Variants in ZNF618 observed in about 807,000 individuals in gnomAD.
ZNF618 encodes neural precursor cell expressed, developmentally down-regulated 10.
Under a neutral mutation model 103.0 loss-of-function variants are expected in ZNF618, and 34 were observed. The observed-to-expected ratio is 0.33, with a 90% CI of 0.25 to 0.44. The LOEUF (loss-of-function observed/expected upper bound fraction) is 0.44. Ranked by LOEUF, ZNF618 falls within the 20% of genes least tolerant of loss-of-function variation. ZNF618 has a pLI of 1.00. For synonymous variants in ZNF618, 551 were observed against 542.2 expected, an observed-to-expected ratio of 1.02 and a Z score of -0.23; for missense variants, 1,059 against 1,295.4, an observed-to-expected ratio of 0.82 and a Z score of 2.80.
intron 1 of ZNF618, among the ~76,000 whole-genome samples, chr9:113,968,344 T>C (rs1022611209): frequency 6.6e-6 from 1 of 152,216 alleles, no homozygotes; most frequent in African/African-American, 2.4e-5. Flanking sequence ...GCACCTGAAT[T>C]TCAGACCTGT....
intron 10 of ZNF618, among the ~76,000 whole-genome samples, chr9:114,027,428 C>T (rs919887500): frequency 2.0e-5 from 3 of 152,200 alleles, no homozygotes; most frequent in African/African-American, 4.8e-5. Context: ...CCACTGTAGG[C>T]GAGGAGTGGG....
intron 2 of ZNF618, among the ~76,000 whole-genome samples, chr9:113,979,211 C>A (rs530067436): frequency 6.6e-6 from 1 of 152,090 alleles, no homozygotes; most frequent in Admixed American, 6.5e-5. Flanking sequence ...TTTCCAGAAC[C>A]GCTGGTGGGA....
intron 1 of ZNF618, among the ~76,000 whole-genome samples, chr9:113,918,407 A>G (rs1391075867): frequency 1.3e-5 from 2 of 152,152 alleles, no homozygotes; most frequent in Non-Finnish European, 2.9e-5. Flanking sequence ...CTCATTTTTC[A>G]TCATGCTTTT....
At chr9:113,933,967 G>C (rs1366484962) in intron 1 of ZNF618, among the ~76,000 whole-genome samples, 2 of 152,024 alleles carry the variant, frequency 1.3e-5, no homozygotes, top group Admixed American at 6.6e-5. Flanking sequence ...TGGCATGGTG[G>C]TGTCATTGCT....
At chr9:113,922,977 T>G (rs950475226) in intron 1 of ZNF618, among the ~76,000 whole-genome samples, 6 of 152,248 alleles carry the variant, frequency 3.9e-5, no homozygotes, top group Non-Finnish European at 5.9e-5. Flanking sequence ...TTGATTTTTT[T>G]CATCAGAGTT....
In ZNF618 at chr9:114,054,486, C is replaced by T. The variant is rs2134783561; in HGVS notation, c.*4319C>T. 6.6e-6 allele frequency: 1 copy of T among 152,512 alleles called. No homozygotes were observed. Among genetic ancestry groups the T allele is most frequent in the East Asian group, 1.9e-4 (1 of 5,182 alleles). The allele number at this position is 152,512 out of a possible 1,614,324, so 9.4% of individuals were successfully genotyped here. On this transcript the variant is annotated 3_prime_UTR_variant, in exon 15 of 15. Transcript: ENST00000374126. ...TCTCTGGGATGCATCTTAAGGAGGG[C>T]TCCTAACAAGGCCGATGATTTAGAC...
intron 1 of ZNF618, among the ~76,000 whole-genome samples, chr9:113,942,904 C>T (rs1834677940): frequency 6.6e-6 from 1 of 152,102 alleles, no homozygotes; most frequent in African/African-American, 2.4e-5. Context: ...TCAGAGTCAC[C>T]CCCAAACTCC....
At chr9:113,971,835 C>T (rs1476341442) in intron 2 of ZNF618, among the ~76,000 whole-genome samples, 1 of 152,098 alleles carries the variant, frequency 6.6e-6, no homozygotes, top group Admixed American at 6.6e-5. Flanking sequence ...GATTTGTTCT[C>T]CCTGCTAGCC....
chr9:114,004,808 G>C (rs1054413726), intron 6 of ZNF618, among the ~76,000 whole-genome samples: 1 of 152,212 alleles, frequency 6.6e-6, no homozygotes, highest in Non-Finnish European at 1.5e-5. Context: ...TGAGGACAGG[G>C]AGTCATACAG....
rs149684068 is a variant in ZNF618, at chr9:113,943,968, G to A, written c.34-25149G>A. On this transcript the variant is annotated intron_variant, in intron 1 of 14. Transcript: ENST00000374126. ...GAGGCTTAGGTTTTCAGGTTTCCTC[G>A]TTTTAATGCCTTTTCCTTCCTTACT... Among the ~76,000 whole-genome samples the A allele has an allele frequency of 6.1e-3, 930 of 152,304 alleles. 7 individuals are homozygous for A. Among genetic ancestry groups the A allele is most frequent in the South Asian group, 0.02 (95 of 4,822 alleles).
intron 1 of ZNF618, among the ~76,000 whole-genome samples, chr9:113,954,019 C>T (rs978027372): frequency 1.3e-5 from 2 of 152,140 alleles, no homozygotes; most frequent in Admixed American, 1.3e-4. Context: ...AGGGCCCTTC[C>T]TTTCTTTGCA....
chr9:113,926,282 G>A (rs1396842020), intron 1 of ZNF618, among the ~76,000 whole-genome samples: 1 of 150,576 alleles, frequency 6.6e-6, no homozygotes, highest in Non-Finnish European at 1.5e-5. Context: ...GACCCCTTTT[G>A]CAAAAATATT....
intron 2 of ZNF618, among the ~76,000 whole-genome samples, chr9:113,980,689 AG>A (rs1222222655): frequency 1.3e-4 from 20 of 152,360 alleles, no homozygotes; most frequent in African/African-American, 4.8e-4. Flanking sequence ...TAAGAGCTGG[AG>A]TGATGAAGAG....
chr9:113,927,898 A>C (rs1389486957), intron 1 of ZNF618, among the ~76,000 whole-genome samples: 1 of 152,198 alleles, frequency 6.6e-6, no homozygotes, highest in African/African-American at 2.4e-5. Flanking sequence ...CGAGTTCATC[A>C]GCTTGTCTTA....
chr9:113,994,771 C>T (rs144282909), intron 3 of ZNF618, among the ~76,000 whole-genome samples: 247 of 152,250 alleles, frequency 1.6e-3, no homozygotes, highest in African/African-American at 5.8e-3. Flanking sequence ...GTGACAGGAA[C>T]CTAAAAGGCC....
At chr9:113,908,401 T>G (rs867080457) in intron 1 of ZNF618, among the ~76,000 whole-genome samples, 1 of 152,232 alleles carries the variant, frequency 6.6e-6, no homozygotes, top group Non-Finnish European at 1.5e-5. Context: ...TAGGCACTTT[T>G]GTCTTCGTGG....
intron 10 of ZNF618, among the ~76,000 whole-genome samples, chr9:114,026,283 G>A (rs112588838): frequency 6.6e-6 from 1 of 152,234 alleles, no homozygotes; most frequent in African/African-American, 2.4e-5. Flanking sequence ...AAGCTGGAGA[G>A]GGGAGCGGTC....
chr9:113,892,591 TTA>T (rs1388162889), intron 1 of ZNF618, among the ~76,000 whole-genome samples: 1 of 152,224 alleles, frequency 6.6e-6, no homozygotes, highest in African/African-American at 2.4e-5. Flanking sequence ...CAAGAAATAT[TTA>T]TGTCTTTATA....
chr9:113,961,266 G>A (rs1184252418), intron 1 of ZNF618, among the ~76,000 whole-genome samples: 1 of 152,130 alleles, frequency 6.6e-6, no homozygotes, highest in African/African-American at 2.4e-5. Context: ...TAAACTGATT[G>A]ATTGAAGCCA....
Sources: allele counts gnomAD v4.1 joint callset (sites outside exome capture counted in the v4.1 genomes callset), GRCh38; gene constraint gnomAD v4.1.1; transcripts MANE v1.5; gene names NCBI Gene and HGNC (gene_info 2026-07-23, HGNC 2026-07-21).